CSMD3: variants seen among roughly 807,000 people sequenced by gnomAD.
The protein encoded by CSMD3 is CUB and Sushi multiple domains 3.
CSMD3 carries 177 observed loss-of-function variants against 435.2 expected under a neutral mutation model. That is an observed-to-expected ratio of 0.41 (90% CI 0.36 to 0.46). The LOEUF (loss-of-function observed/expected upper bound fraction) is 0.46, where lower values mean the gene tolerates loss of function less well. Among genes scored for constraint, CSMD3 ranks in the 20% least tolerant of loss-of-function variants. The pLI, the probability that CSMD3 is intolerant of heterozygous loss-of-function variation, is 0.34. For missense variants in CSMD3, 4,265 were observed against 4,504.6 expected, an observed-to-expected ratio of 0.95 and a Z score of 1.52; for synonymous variants, 1,656 against 1,520.5, an observed-to-expected ratio of 1.09 and a Z score of -2.07.
chr8:112,342,230 G>A (rs2099669745), intron 41 of CSMD3, among the ~76,000 whole-genome samples: 2 of 151,980 alleles, frequency 1.3e-5, no homozygotes, highest in Admixed American at 6.6e-5. Context: ...GATAATGCAG[G>A]CTTTTATATA....
intron 3 of CSMD3, among the ~76,000 whole-genome samples, chr8:113,178,947 C>T (rs1005399279): frequency 2.0e-5 from 3 of 151,708 alleles, no homozygotes; most frequent in Non-Finnish European, 4.4e-5. Flanking sequence ...TCGTGGGGTG[C>T]TATCTGCTTT....
intron 9 of CSMD3, among the ~76,000 whole-genome samples, chr8:112,931,674 A>G (rs961625843): frequency 3.0e-4 from 46 of 152,142 alleles, no homozygotes; most frequent in African/African-American, 1.1e-3. Flanking sequence ...TGTTGAATAG[A>G]AGAAAATATT....
At chr8:112,894,593 T>G (rs2081896330) in intron 10 of CSMD3, among the ~76,000 whole-genome samples, 1 of 151,324 alleles carries the variant, frequency 6.6e-6, no homozygotes, top group African/African-American at 2.4e-5. Context: ...AAATAAGAGA[T>G]AATATAGACA....
At chr8:112,727,154 TA>T (rs2076983248) in intron 13 of CSMD3, among the ~76,000 whole-genome samples, 1 of 151,880 alleles carries the variant, frequency 6.6e-6, no homozygotes, top group Non-Finnish European at 1.5e-5. Context: ...TTTGAATAAT[TA>T]TAGAATTTTC....
At position 113,002,058 on chromosome 8, in the gene CSMD3, T is replaced by C. The variant is rs144428233; in HGVS notation, c.1030+17009A>G. On this transcript the variant is annotated intron_variant, in intron 6 of 70. Transcript: ENST00000297405. ...CTACAAATAACTATAAGACAATATA[T>C]CTTAGCTGGCTTGTAGAAGTTGTAA... 3.0e-3 allele frequency among the ~76,000 whole-genome samples: 455 copies of C among 152,154 alleles called. 1 individual carries two copies. Among genetic ancestry groups the C allele is most frequent in the Admixed American group, 5.3e-3 (81 of 15,232 alleles).
intron 38 of CSMD3, among the ~76,000 whole-genome samples, chr8:112,369,002 T>C (rs887477333): frequency 6.6e-6 from 1 of 152,122 alleles, no homozygotes; most frequent in African/African-American, 2.4e-5. Flanking sequence ...TTCTTTATTA[T>C]AATTATAATA....
chr8:112,927,924 T>C (rs2082964025), intron 9 of CSMD3, among the ~76,000 whole-genome samples: 1 of 152,134 alleles, frequency 6.6e-6, no homozygotes, highest in South Asian at 2.1e-4. Flanking sequence ...TTAAGGTCAC[T>C]CACTACCTCA....
chr8:113,343,036 G>C (rs1443541705), intron 1 of CSMD3, among the ~76,000 whole-genome samples: 1 of 151,690 alleles, frequency 6.6e-6, no homozygotes, highest in Non-Finnish European at 1.5e-5. Context: ...AGTCAAAATA[G>C]GAAGAAAAGA....
chr8:112,274,998 C>T (rs368274903), intron 59 of CSMD3, among the ~76,000 whole-genome samples: 4 of 143,742 alleles, frequency 2.8e-5, no homozygotes, highest in African/African-American at 8.9e-5. Context: ...GCATAAAGAA[C>T]CTTTTGATGC....
At chr8:113,065,994 C>T (rs1433824978) in intron 5 of CSMD3, among the ~76,000 whole-genome samples, 7 of 149,748 alleles carry the variant, frequency 4.7e-5, no homozygotes, top group African/African-American at 1.7e-4. Flanking sequence ...AATATGAATG[C>T]TTTATACAGT....
chr8:112,485,004 T>C (rs1215601541), intron 31 of CSMD3, among the ~76,000 whole-genome samples: 1 of 152,168 alleles, frequency 6.6e-6, no homozygotes, highest in Admixed American at 6.5e-5. Flanking sequence ...CTACTCCACA[T>C]AGTATGCTCC....
chr8:113,398,142 T>A (rs2094492924), intron 1 of CSMD3, among the ~76,000 whole-genome samples: 1 of 152,170 alleles, frequency 6.6e-6, no homozygotes, highest in Non-Finnish European at 1.5e-5. Flanking sequence ...GATTGTAAAA[T>A]GTTTTTCTGT....
intron 57 of CSMD3, among the ~76,000 whole-genome samples, chr8:112,288,028 GAGAA>G (rs1819381694): frequency 7.8e-6 from 1 of 127,982 alleles, no homozygotes; most frequent in South Asian, 2.6e-4. Flanking sequence ...GCGAGCTAGA[GAGAA>G]AGAGAGAGAG....
At chr8:112,558,053 T>C (rs918763938) in intron 24 of CSMD3, among the ~76,000 whole-genome samples, 1 of 151,780 alleles carries the variant, frequency 6.6e-6, no homozygotes, top group Non-Finnish European at 1.5e-5. Context: ...GTGTTGGCGC[T>C]CAGAACAATA....
At chr8:112,924,652 G>T (rs527557372) in intron 9 of CSMD3, among the ~76,000 whole-genome samples, 2 of 151,676 alleles carry the variant, frequency 1.3e-5, no homozygotes, top group East Asian at 3.9e-4. Context: ...TAACTGTTTT[G>T]CTACTATACT....
intron 2 of CSMD3, among the ~76,000 whole-genome samples, chr8:113,294,448 T>A (rs1167551802): frequency 2.0e-5 from 3 of 152,120 alleles, no homozygotes; most frequent in African/African-American, 7.2e-5. Flanking sequence ...AATATAAATT[T>A]CTCGTTAAAG....
intron 1 of CSMD3, among the ~76,000 whole-genome samples, chr8:113,331,425 C>T (rs567672790): frequency 4.6e-5 from 7 of 151,562 alleles, no homozygotes; most frequent in Non-Finnish European, 8.9e-5. Flanking sequence ...AAACATTTCC[C>T]AACTAATTTT....
intron 5 of CSMD3, among the ~76,000 whole-genome samples, chr8:113,089,066 C>T (rs1218768222): frequency 6.6e-6 from 1 of 151,876 alleles, no homozygotes; most frequent in Non-Finnish European, 1.5e-5. Flanking sequence ...GAGATAGGGT[C>T]TTGCTATGTA....
chr8:112,556,007 T>C (rs1024412777), intron 25 of CSMD3, among the ~76,000 whole-genome samples: 2 of 151,990 alleles, frequency 1.3e-5, no homozygotes, highest in Non-Finnish European at 2.9e-5. Flanking sequence ...TCACTGCATA[T>C]ATGTTCTCTG....
Sources: gnomAD v4.1 joint callset for allele counts (sites outside exome capture counted in the v4.1 genomes callset) on GRCh38, gnomAD v4.1.1 for gene constraint, MANE v1.5 for transcripts, NCBI Gene and HGNC (gene_info 2026-07-23, HGNC 2026-07-21) for gene names.